Variants in TAFA4 observed in about 807,000 individuals in gnomAD.
TAFA4 encodes the protein TAFA chemokine like family member 4.
Under a neutral mutation model 21.1 loss-of-function variants are expected in TAFA4, and 20 were observed. The ratio of observed to expected loss-of-function variants is 0.95; its 90% confidence interval spans 0.67 to 1.38. TAFA4 has a LOEUF of 1.38. Among genes scored for constraint, TAFA4 ranks in the 40% most tolerant of loss-of-function variants. The pLI is 0.00. For synonymous variants in TAFA4, 71 were observed against 67.4 expected, an observed-to-expected ratio of 1.05 and a Z score of -0.26; for missense variants, 211 against 180.9, an observed-to-expected ratio of 1.17 and a Z score of -0.95.
intron 3 of TAFA4, among the ~76,000 whole-genome samples, chr3:68,774,848 A>G (rs925402225): frequency 4.6e-5 from 7 of 152,278 alleles, no homozygotes; most frequent in African/African-American, 1.7e-4. Flanking sequence ...ACTCTGTGAA[A>G]AGGAAATTGT....
chr3:68,782,510 G>T (rs1233712371), intron 3 of TAFA4, among the ~76,000 whole-genome samples: 3 of 152,012 alleles, frequency 2.0e-5, no homozygotes, highest in Non-Finnish European at 4.4e-5. Flanking sequence ...ATGGATGAAT[G>T]AATAAATAAA....
intron 3 of TAFA4, among the ~76,000 whole-genome samples, chr3:68,876,682 T>A (rs1456258707): frequency 6.6e-6 from 1 of 151,800 alleles, no homozygotes; most frequent in South Asian, 2.1e-4. Flanking sequence ...AAAAATAACA[T>A]AAACCACCAA....
chr3:68,875,578 A>C (rs1027507527), intron 3 of TAFA4, among the ~76,000 whole-genome samples: 3 of 152,322 alleles, frequency 2.0e-5, no homozygotes, highest in African/African-American at 7.2e-5. Flanking sequence ...ATTCACTGGA[A>C]GTGGGACAGG....
intron 3 of TAFA4, among the ~76,000 whole-genome samples, chr3:68,858,454 G>A (rs1705121250): frequency 6.6e-6 from 1 of 152,022 alleles, no homozygotes; most frequent in Non-Finnish European, 1.5e-5. Flanking sequence ...CAATTGATGG[G>A]AAAAGGAAGA....
chr3:68,855,575 C>T (rs1218449594), intron 3 of TAFA4, among the ~76,000 whole-genome samples: 6 of 152,086 alleles, frequency 3.9e-5, no homozygotes, highest in East Asian at 1.9e-4. Context: ...ACTGACGTAG[C>T]GTTTGATCCC....
At chr3:68,739,043 G>T in intron 5 of TAFA4, 32 bp downstream of exon 5, 1 of 1,610,516 alleles carries the variant, frequency 6.2e-7, no homozygotes, top group Non-Finnish European at 8.5e-7. Context: ...TTGATAACTT[G>T]TAAATTGTAG....
intron 3 of TAFA4, among the ~76,000 whole-genome samples, chr3:68,854,771 A>T (rs1705029255): frequency 6.6e-6 from 1 of 152,066 alleles, no homozygotes; most frequent in African/African-American, 2.4e-5. Flanking sequence ...CAATTTGCAA[A>T]GACAGTTGAA....
At chr3:68,782,240 A>G (rs748712699) in intron 3 of TAFA4, among the ~76,000 whole-genome samples, 1 of 152,218 alleles carries the variant, frequency 6.6e-6, no homozygotes, top group Non-Finnish European at 1.5e-5. Context: ...GAAGCATATG[A>G]AAAGATGCTC....
At chr3:68,751,169 G>A (rs1469957941) in intron 4 of TAFA4, among the ~76,000 whole-genome samples, 2 of 152,192 alleles carry the variant, frequency 1.3e-5, no homozygotes, top group Non-Finnish European at 2.9e-5. Flanking sequence ...GGATTGCCTA[G>A]GGTAGAGTAC....
chr3:68,869,698 G>A (rs2089461108), intron 3 of TAFA4, among the ~76,000 whole-genome samples: 1 of 151,896 alleles, frequency 6.6e-6, no homozygotes, highest in African/African-American at 2.4e-5. Flanking sequence ...ATTGGGTACA[G>A]AAGGAACACA....
chr3:68,769,100 G>T (rs569942128), intron 3 of TAFA4, among the ~76,000 whole-genome samples: 3 of 152,200 alleles, frequency 2.0e-5, no homozygotes, highest in African/African-American at 7.2e-5. Context: ...ACAGCAGAAG[G>T]TAAGTGGCAG....
intron 4 of TAFA4, among the ~76,000 whole-genome samples, chr3:68,744,220 T>C (rs1467465759): frequency 2.6e-5 from 4 of 152,174 alleles, no homozygotes; most frequent in Middle Eastern, 3.2e-3. Context: ...GGTCCACAAC[T>C]GAAGACAGGA....
chr3:68,883,696 C>T (rs942156598), intron 2 of TAFA4, among the ~76,000 whole-genome samples: 2 of 152,156 alleles, frequency 1.3e-5, no homozygotes, highest in Admixed American at 1.3e-4. Flanking sequence ...CGTTTACAAT[C>T]CAGCAGATCA....
intron 3 of TAFA4, among the ~76,000 whole-genome samples, chr3:68,861,481 C>A (rs1041622308): frequency 6.6e-6 from 1 of 151,936 alleles, no homozygotes; most frequent in Non-Finnish European, 1.5e-5. Flanking sequence ...AGACACCTGC[C>A]CCTAACCTTT....
At position 68,746,605 on chromosome 3, in the gene TAFA4, C is replaced by T. The variant is rs894517756; in HGVS notation, c.286+6258G>A. On this transcript the variant is annotated intron_variant, in intron 4 of 5. Transcript: ENST00000295569. ...TTATATTTCTTGTTAAGAAAAGAAG[C>T]CATACCAACTTGACCCAGCTAACAG... Among the ~76,000 whole-genome samples, 4 of 152,124 alleles carry T rather than the reference C, an allele frequency of 2.6e-5. No individual in the cohort carries two copies. The East Asian group carries it at 7.7e-4, about 29-fold the overall frequency.
intron 1 of TAFA4, among the ~76,000 whole-genome samples, chr3:68,890,438 G>A (rs569261315): frequency 2.6e-5 from 4 of 152,274 alleles, no homozygotes; most frequent in Non-Finnish European, 4.4e-5. Flanking sequence ...GGGAGTGAAA[G>A]TTTGAATGTT....
At chr3:68,771,981 A>C (rs766089327) in intron 3 of TAFA4, among the ~76,000 whole-genome samples, 2 of 152,200 alleles carry the variant, frequency 1.3e-5, no homozygotes, top group East Asian at 3.9e-4. Flanking sequence ...AAAAAATGCA[A>C]CCAAATGAGG....
intron 1 of TAFA4, among the ~76,000 whole-genome samples, chr3:68,928,749 GA>G (rs1363453178): frequency 5.9e-5 from 9 of 152,134 alleles, no homozygotes; most frequent in South Asian, 2.1e-4. Context: ...ACAGCCAAGG[GA>G]AGGGGTCCCA....
intron 1 of TAFA4, among the ~76,000 whole-genome samples, chr3:68,909,523 T>G (rs1299490098): frequency 6.6e-6 from 1 of 151,942 alleles, no homozygotes; most frequent in East Asian, 1.9e-4. Flanking sequence ...CATAAACACC[T>G]CAAAAGACTA....
Sources: gnomAD v4.1 joint callset for allele counts (sites outside exome capture counted in the v4.1 genomes callset) on GRCh38, gnomAD v4.1.1 for gene constraint, MANE v1.5 for transcripts, NCBI Gene and HGNC (gene_info 2026-07-23, HGNC 2026-07-21) for gene names.